The following ST7 variants were observed in gnomAD, a reference collection of about 807,000 sequenced individuals.
ST7 encodes the protein suppressor of tumorigenicity 7 protein.
Under a neutral mutation model 78.7 loss-of-function variants are expected in ST7, and 28 were observed. That is an observed-to-expected ratio of 0.36 (90% CI 0.26 to 0.49). The LOEUF is 0.49. Ranked by LOEUF, ST7 falls within the 20% of genes least tolerant of loss-of-function variation. The pLI is 0.99. For missense variants in ST7, 418 were observed against 696.0 expected (o/e 0.60, Z 4.49); for synonymous variants, 247 against 249.6 (o/e 0.99, Z 0.10).
chr7:117,225,909 G>T (rs1449314937), intron 15 of ST7, among the ~76,000 whole-genome samples: 3 of 152,120 alleles, frequency 2.0e-5, no homozygotes, highest in Admixed American at 2.0e-4. Context: ...AGTGATTTAG[G>T]ACTAACTCTT....
At chr7:117,227,251 T>C (rs772368050) in intron 15 of ST7, among the ~76,000 whole-genome samples, 2 of 152,240 alleles carry the variant, frequency 1.3e-5, no homozygotes, top group Non-Finnish European at 2.9e-5. Flanking sequence ...CGCTGGCTCA[T>C]GTTCAGCAGT....
chr7:117,119,786 T>G, intron 3 of ST7, 66 bp downstream of exon 3: 1 of 1,523,338 alleles, frequency 6.6e-7, no homozygotes, highest in Non-Finnish European at 8.9e-7. Flanking sequence ...TTGTTACTCA[T>G]ACTAAGAGAT....
chr7:117,211,426 A>C (rs1324976290), intron 13 of ST7, among the ~76,000 whole-genome samples: 1 of 152,216 alleles, frequency 6.6e-6, no homozygotes, highest in African/African-American at 2.4e-5. Flanking sequence ...AAGGAAACAC[A>C]ATACATGTTT....
intron 6 of ST7, among the ~76,000 whole-genome samples, 186 bp downstream of exon 6, chr7:117,132,146 A>G (rs914125484): frequency 2.6e-5 from 4 of 151,768 alleles, no homozygotes; most frequent in African/African-American, 9.7e-5. Context: ...AGGTGGTTTT[A>G]GTCATTTTAT....
intron 13 of ST7, among the ~76,000 whole-genome samples, chr7:117,216,477 T>C (rs1306785455): frequency 6.6e-6 from 1 of 152,218 alleles, no homozygotes; most frequent in East Asian, 1.9e-4. Flanking sequence ...TTTTCTATTC[T>C]TATTAGCACC....
At chr7:116,985,186 T>G (rs185502002) in intron 1 of ST7, among the ~76,000 whole-genome samples, 167 of 152,320 alleles carry the variant, frequency 1.1e-3, no homozygotes, top group African/African-American at 3.9e-3. Flanking sequence ...TGATGAAAAT[T>G]TAAAAGTTTG....
At chr7:116,953,844 C>T (rs1007037120) in intron 1 of ST7, 153 bp downstream of exon 1, 2 of 374,984 alleles carry the variant, frequency 5.3e-6, no homozygotes, top group Admixed American at 6.6e-5. Context: ...AACGCGGCGG[C>T]TTAGGCGGCG....
intron 1 of ST7, among the ~76,000 whole-genome samples, chr7:117,047,647 T>A (rs182779713): frequency 2.6e-5 from 4 of 152,310 alleles, no homozygotes; most frequent in African/African-American, 9.6e-5. Flanking sequence ...ATTAAACAGA[T>A]GTAATGTGAA....
intron 1 of ST7, among the ~76,000 whole-genome samples, chr7:116,965,339 CAA>C (rs975151437): frequency 2.0e-4 from 10 of 50,280 alleles, no homozygotes; most frequent in Non-Finnish European, 2.3e-4. Context: ...GACTCCGTCT[CAA>C]AAAAAAAAAA....
At chr7:116,966,003 G>A in intron 1 of ST7, 1 of 408,060 alleles carries the variant, frequency 2.5e-6, no homozygotes, top group Non-Finnish European at 5.0e-6. Flanking sequence ...CTTGAACGTG[G>A]TTCATTGGTT....
intron 1 of ST7, among the ~76,000 whole-genome samples, chr7:117,019,146 C>A (rs1029583673): frequency 2.0e-5 from 3 of 152,094 alleles, no homozygotes; most frequent in Non-Finnish European, 4.4e-5. Context: ...AAGGCATATA[C>A]CTTGGATGAA....
At chr7:116,960,601 G>C (rs968116480) in intron 1 of ST7, among the ~76,000 whole-genome samples, 1 of 152,146 alleles carries the variant, frequency 6.6e-6, no homozygotes, top group Non-Finnish European at 1.5e-5. Context: ...TTGTACTACT[G>C]TGTCATTGCT....
intron 1 of ST7, 123 bp from the exon 2 acceptor site, chr7:117,099,639 T>C (rs750881338): frequency 1.5e-6 from 1 of 674,556 alleles, no homozygotes; most frequent in Non-Finnish European, 2.5e-6. Context: ...CTTACTATGG[T>C]TCTAAGAATT....
chr7:117,038,993 C>T (rs1024982235), intron 1 of ST7, among the ~76,000 whole-genome samples: 4 of 152,022 alleles, frequency 2.6e-5, no homozygotes, highest in African/African-American at 9.7e-5. Flanking sequence ...TTAATAAATA[C>T]TTTTCATAAT....
At chr7:117,214,910 TTGTGTG>T (rs147915016) in intron 13 of ST7, among the ~76,000 whole-genome samples, 68,305 of 142,816 alleles carry the variant, frequency 0.48, 17,363 homozygotes, top group Middle Eastern at 0.7. Flanking sequence ...GGAAGAACAT[TTGTGTG>T]TGTGTGTGTG....
At chr7:117,221,765 G>T (rs1488095587) in intron 14 of ST7, among the ~76,000 whole-genome samples, 158 bp from the exon 15 acceptor site, 1 of 152,154 alleles carries the variant, frequency 6.6e-6, no homozygotes, top group Non-Finnish European at 1.5e-5. Flanking sequence ...CAAAGGCTGG[G>T]TCAGATGTTG....
chr7:117,090,566 A>T (rs968689658), intron 1 of ST7, among the ~76,000 whole-genome samples: 1 of 152,158 alleles, frequency 6.6e-6, no homozygotes. Flanking sequence ...TTTCTCTTCA[A>T]TGTAACTATG....
intron 1 of ST7, among the ~76,000 whole-genome samples, chr7:117,005,699 G>T (rs1269191250): frequency 1.3e-5 from 2 of 151,970 alleles, no homozygotes; most frequent in African/African-American, 4.8e-5. Context: ...AATAAATTCT[G>T]CTCATGAAAA....
intron 2 of ST7, among the ~76,000 whole-genome samples, chr7:117,103,104 T>C (rs545880676): frequency 2.0e-5 from 3 of 152,278 alleles, no homozygotes; most frequent in African/African-American, 7.2e-5. Flanking sequence ...TGGAAAGATA[T>C]TTTGTGCTCG....
Sources: allele counts gnomAD v4.1 joint callset (sites outside exome capture counted in the v4.1 genomes callset), GRCh38; gene constraint gnomAD v4.1.1; transcripts MANE v1.5; gene names NCBI Gene and HGNC (gene_info 2026-07-23, HGNC 2026-07-21).